The following TMBIM4 variants were observed in gnomAD, a reference collection of about 807,000 sequenced individuals.
TMBIM4 encodes transmembrane BAX inhibitor motif containing 4, also known as protein lifeguard 4.
In TMBIM4, 28 loss-of-function variants were observed where a neutral mutation model predicts 27.7. The ratio of observed to expected loss-of-function variants is 1.01; its 90% CI spans 0.75 to 1.38. The LOEUF is 1.38. Ranked by LOEUF, TMBIM4 falls within the 40% of genes most tolerant of loss-of-function variation. The pLI is 0.00. For missense variants in TMBIM4, 265 were observed against 277.5 expected (o/e 0.95, Z 0.32); for synonymous variants, 115 against 113.1 (o/e 1.02, Z -0.11).
chr12:66,155,756 G>T (rs1330975069), intron 1 of TMBIM4, among the ~76,000 whole-genome samples: 1 of 152,066 alleles, frequency 6.6e-6, no homozygotes, highest in African/African-American at 2.4e-5. Context: ...TTGTAAAACT[G>T]ATTTACAGTT....
In TMBIM4 at chr12:66,137,645, C is replaced by T. The variant is rs774607939; in HGVS notation, c.*315G>A. On this transcript the variant is annotated 3_prime_UTR_variant, in exon 7 of 7. Transcript: ENST00000358230. The stretch of plus-strand genomic sequence containing the variant: ...TCTTGACCTCGTGATCCACCTGCCT[C>T]GGTCTCCCAAAGTGGTGGGATTACA... The T allele has an allele frequency of 2.9e-5, 8 of 271,968 alleles. No individual in the cohort carries two copies. Among genetic ancestry groups the T allele is most frequent in the East Asian group, 2.1e-4 (2 of 9,382 alleles). 16.8% of individuals were successfully genotyped at this position (271,968 alleles called of 1,614,324 possible).
At chr12:66,155,550 T>C (rs1205680876) in intron 1 of TMBIM4, among the ~76,000 whole-genome samples, 3 of 152,114 alleles carry the variant, frequency 2.0e-5, no homozygotes, top group African/African-American at 4.8e-5. Context: ...CGGGCTGGTC[T>C]TGAACCCCTG....
intron 1 of TMBIM4, among the ~76,000 whole-genome samples, chr12:66,160,764 G>A (rs373502551): frequency 1.8e-4 from 28 of 152,316 alleles, no homozygotes; most frequent in Middle Eastern, 6.8e-3. Context: ...CACAGCGGCC[G>A]AGCAGAGGCG....
At chr12:66,163,802 A>G (rs2052081465) in intron 1 of TMBIM4, among the ~76,000 whole-genome samples, 1 of 152,186 alleles carries the variant, frequency 6.6e-6, no homozygotes, top group Admixed American at 6.5e-5. Flanking sequence ...TCTTCCAAAA[A>G]ACTGAAGAGG....
intron 1 of TMBIM4, among the ~76,000 whole-genome samples, chr12:66,166,475 A>G (rs2052131848): frequency 6.7e-6 from 1 of 148,586 alleles, no homozygotes; most frequent in African/African-American, 2.6e-5. Context: ...AAAAAAAAAA[A>G]AAAAAAAAAG....
At chr12:66,142,040 A>G (rs1244836518) in intron 5 of TMBIM4, among the ~76,000 whole-genome samples, 3 of 152,148 alleles carry the variant, frequency 2.0e-5, no homozygotes, top group Non-Finnish European at 2.9e-5. Context: ...CTAGTGCACA[A>G]AGAACATTTA....
chr12:66,149,103 T>A (rs1269234170), intron 3 of TMBIM4, among the ~76,000 whole-genome samples: 2 of 152,172 alleles, frequency 1.3e-5, no homozygotes, highest in Non-Finnish European at 2.9e-5. Context: ...CACATTTTAA[T>A]GCTTTTAGTA....
chr12:66,137,905 T>C lies in TMBIM4; in HGVS notation c.*55A>G. The C allele has an allele frequency of 6.7e-7, 1 of 1,494,110 alleles. No homozygotes were observed. The highest frequency in any genetic ancestry group is 1.2e-5 in the South Asian group (1 of 86,520). 92.6% of individuals were successfully genotyped at this position (1,494,110 alleles called of 1,614,324 possible). On this transcript the variant is annotated 3_prime_UTR_variant, in exon 7 of 7. Transcript: ENST00000358230. ...ATACTGCTTCCAATTACTTTAATCC[T>C]TTTTTCTCATTAAATTTTTTTTGTT...
At chr12:66,151,992 C>T (rs1200951146) in intron 3 of TMBIM4, among the ~76,000 whole-genome samples, 3 of 152,062 alleles carry the variant, frequency 2.0e-5, no homozygotes, top group Non-Finnish European at 4.4e-5. Flanking sequence ...AAAACTTAGA[C>T]ACAGAAAGGA....
At chr12:66,150,731 C>G (rs2051832449) in intron 3 of TMBIM4, among the ~76,000 whole-genome samples, 1 of 152,242 alleles carries the variant, frequency 6.6e-6, no homozygotes, top group East Asian at 1.9e-4. Context: ...CTTTCTGACT[C>G]AGGAATCTGA....
rs771278946 is a variant in TMBIM4 at position 66,156,621 on chromosome 12, TTAAA to T, written c.98-3177_98-3174del. On this transcript the variant is annotated intron_variant, in intron 1 of 6. Coordinates refer to ENST00000358230, the MANE Select transcript of TMBIM4 (RefSeq NM_016056.4). ...ATATCATGTGACTCTGCTTAAATACTTAAATAATCGTTCCACTTAAAATAAAATG... is the reference window on the plus strand; with the variant it reads ...ATATCATGTGACTCTGCTTAAATACTTAATCGTTCCACTTAAAATAAAATG... 3.3e-5 allele frequency among the ~76,000 whole-genome samples: 5 copies of T among 152,202 alleles called. No individual in the cohort carries two copies. In the East Asian group the frequency reaches 5.8e-4, roughly 18 times the overall value.
At chr12:66,166,286 G>A (rs2052125275) in intron 1 of TMBIM4, among the ~76,000 whole-genome samples, 1 of 151,724 alleles carries the variant, frequency 6.6e-6, no homozygotes, top group Non-Finnish European at 1.5e-5. Flanking sequence ...CTAACATGAC[G>A]AAACCTGTCT....
Position 66,169,972 on chromosome 12 carries a change from C to T in TMBIM4, c.-21G>A, listed in dbSNP as rs1291559624. ...GCCATGATGGCAACAGCACCCCTAC[C>T]GGTCCCGGTCCACTAACCGCAACCG... is the stretch of plus-strand genomic sequence containing the variant. On this transcript the variant is annotated 5_prime_UTR_variant, in exon 1 of 7. Transcript: ENST00000358230. 4 of 1,463,456 alleles carry T rather than the reference C, an allele frequency of 2.7e-6. No homozygotes were observed. Among genetic ancestry groups the T allele is most frequent in the Admixed American group, 5.7e-5 (2 of 35,346 alleles). 90.7% of individuals were successfully genotyped at this position (1,463,456 alleles called of 1,614,324 possible).
chr12:66,165,419 C>CT (rs35278988), intron 1 of TMBIM4, among the ~76,000 whole-genome samples: 51,605 of 137,816 alleles, frequency 0.37, 10,585 homozygotes, highest in East Asian at 0.78. Context: ...ATATATGATC[C>CT]TTTTTTTTTT....
chr12:66,143,251 GAATA>G (rs1398861763), intron 5 of TMBIM4, among the ~76,000 whole-genome samples: 2 of 152,140 alleles, frequency 1.3e-5, no homozygotes, highest in African/African-American at 4.8e-5. Context: ...AATTTTCTGA[GAATA>G]TAGATAAGAT....
At chr12:66,138,289 AC>A in intron 6 of TMBIM4, 123 bp from the exon 7 acceptor site, 1 of 1,438,048 alleles carries the variant, frequency 7.0e-7, no homozygotes, top group Non-Finnish European at 9.0e-7. Flanking sequence ...AACTTTGAAT[AC>A]AAATGTTAAA....
chr12:66,154,232 T>C (rs1396939398), intron 1 of TMBIM4, among the ~76,000 whole-genome samples: 1 of 152,206 alleles, frequency 6.6e-6, no homozygotes, highest in Admixed American at 6.5e-5. Flanking sequence ...GCAGCCTTTC[T>C]CAGTTCCGCA....
chr12:66,147,137 TATTTA>T (rs1234471690), intron 4 of TMBIM4, among the ~76,000 whole-genome samples: 1 of 152,054 alleles, frequency 6.6e-6, no homozygotes, highest in Non-Finnish European at 1.5e-5. Flanking sequence ...TATTTATTAC[TATTTA>T]TTTATATTGA....
intron 3 of TMBIM4, among the ~76,000 whole-genome samples, chr12:66,148,855 C>T (rs2051794018): frequency 6.6e-6 from 1 of 152,182 alleles, no homozygotes; most frequent in African/African-American, 2.4e-5. Flanking sequence ...GCCTCCCTTT[C>T]CCCTTAATTA....
Sources: gnomAD v4.1 joint callset for allele counts (sites outside exome capture counted in the v4.1 genomes callset) on GRCh38, gnomAD v4.1.1 for gene constraint, MANE v1.5 for transcripts, NCBI Gene and HGNC (gene_info 2026-07-23, HGNC 2026-07-21) for gene names.